Variants in RSRC1 observed in about 807,000 individuals in gnomAD.
The protein encoded by RSRC1 is serine/Arginine-related protein 53.
Under a neutral mutation model 49.1 loss-of-function variants are expected in RSRC1, and 39 were observed. The ratio of observed to expected loss-of-function variants is 0.79; its 90% CI spans 0.61 to 1.04. The LOEUF is 1.04. RSRC1 is among the 50% of genes least tolerant of loss of function. The probability of loss-of-function intolerance (pLI) is 0.00; values close to 1 mark genes in which losing one functional copy is unlikely to be tolerated. For synonymous variants in RSRC1, 143 were observed against 130.8 expected, an observed-to-expected ratio of 1.09 and a Z score of -0.63; for missense variants, 388 against 402.4, an observed-to-expected ratio of 0.96 and a Z score of 0.31.
intron 6 of RSRC1, among the ~76,000 whole-genome samples, chr3:158,412,322 G>A (rs979818215): frequency 3.3e-5 from 5 of 151,966 alleles, no homozygotes; most frequent in African/African-American, 9.7e-5. Context: ...GTATTGTTTG[G>A]TGTAACTGTG....
intron 3 of RSRC1, among the ~76,000 whole-genome samples, chr3:158,198,785 C>T (rs773058106): frequency 7.2e-5 from 11 of 152,076 alleles, no homozygotes; most frequent in African/African-American, 2.7e-4. Flanking sequence ...TGGAGCTGTT[C>T]GTATTCGGCC....
chr3:158,230,386 T>A (rs1031933576), intron 4 of RSRC1, among the ~76,000 whole-genome samples: 3 of 152,142 alleles, frequency 2.0e-5, no homozygotes, highest in African/African-American at 7.2e-5. Flanking sequence ...TAAGCAAAGA[T>A]AATTTTTATA....
At chr3:158,253,155 G>A (rs147493713) in intron 4 of RSRC1, among the ~76,000 whole-genome samples, 88 of 151,874 alleles carry the variant, frequency 5.8e-4, no homozygotes, top group African/African-American at 2.0e-3. Flanking sequence ...GCTTTATGAT[G>A]TATCGCTGGC....
chr3:158,159,754 G>A (rs971758262), intron 3 of RSRC1, among the ~76,000 whole-genome samples: 1 of 151,714 alleles, frequency 6.6e-6, no homozygotes, highest in Admixed American at 6.6e-5. Context: ...TTTGATGAGG[G>A]CTTTAAAAAT....
In RSRC1 at chr3:158,506,161, A is replaced by C. The variant is rs1394992764; in HGVS notation, c.653-30931A>C. On this transcript the variant is annotated intron_variant, in intron 7 of 9. Transcript: ENST00000611884. Reference sequence around the variant, plus strand: ...GGAAACAATCAACCAAGTGAAAGACAAGCTTACAGAATGGCAGAAAATATT... The same window carrying C: ...GGAAACAATCAACCAAGTGAAAGACCAGCTTACAGAATGGCAGAAAATATT... 2.0e-5 allele frequency among the ~76,000 whole-genome samples: 3 copies of C among 152,186 alleles called. No individual in the cohort carries two copies. The East Asian group carries it at 5.8e-4, about 29-fold the overall frequency.
chr3:158,292,524 T>C (rs964166792), intron 4 of RSRC1, among the ~76,000 whole-genome samples: 6 of 152,166 alleles, frequency 3.9e-5, no homozygotes, highest in Admixed American at 2.0e-4. Flanking sequence ...TTTTATCAGT[T>C]TTGAGACCTA....
intron 7 of RSRC1, among the ~76,000 whole-genome samples, chr3:158,523,704 AG>A (rs557590745): frequency 2.1e-4 from 32 of 152,216 alleles, no homozygotes; most frequent in Non-Finnish European, 4.4e-4. Context: ...GAGCCAAATC[AG>A]GGCAGTAATG....
At chr3:158,438,932 A>G (rs1475422615) in intron 6 of RSRC1, among the ~76,000 whole-genome samples, 3 of 152,190 alleles carry the variant, frequency 2.0e-5, no homozygotes, top group African/African-American at 7.2e-5. Flanking sequence ...ACAAAGGGCT[A>G]ATATCCAGAA....
At chr3:158,423,676 C>T (rs1469223171) in intron 6 of RSRC1, among the ~76,000 whole-genome samples, 2 of 152,116 alleles carry the variant, frequency 1.3e-5, no homozygotes, top group African/African-American at 2.4e-5. Flanking sequence ...GCAGTATGGC[C>T]ATTTTCACGA....
chr3:158,145,766 A>T (rs1297159002), intron 3 of RSRC1, among the ~76,000 whole-genome samples: 1 of 152,210 alleles, frequency 6.6e-6, no homozygotes, highest in Non-Finnish European at 1.5e-5. Flanking sequence ...ATCCATGAAC[A>T]TGGAATGTTC....
At chr3:158,316,723 C>G (rs1182232497) in intron 5 of RSRC1, among the ~76,000 whole-genome samples, 1 of 152,050 alleles carries the variant, frequency 6.6e-6, no homozygotes. Context: ...GGATTACAGG[C>G]GTGAGCCAAC....
intron 6 of RSRC1, among the ~76,000 whole-genome samples, chr3:158,356,879 G>GA (rs558614765): frequency 2.0e-5 from 3 of 151,988 alleles, no homozygotes; most frequent in Non-Finnish European, 4.4e-5. Context: ...AAGCACATTA[G>GA]AAAATAGATG....
At chr3:158,289,334 T>G (rs17683787) in intron 4 of RSRC1, among the ~76,000 whole-genome samples, 20,934 of 152,166 alleles carry the variant, frequency 0.14, 1,572 homozygotes, top group Middle Eastern at 0.21. Flanking sequence ...GCTTAAGTGT[T>G]CAGCTTCCCA....
intron 7 of RSRC1, among the ~76,000 whole-genome samples, chr3:158,488,745 A>T (rs1393939705): frequency 6.6e-6 from 1 of 152,198 alleles, no homozygotes; most frequent in African/African-American, 2.4e-5. Flanking sequence ...ATTTCTAACT[A>T]AGTTAAGCCA....
intron 5 of RSRC1, among the ~76,000 whole-genome samples, chr3:158,301,060 C>T (rs827168): frequency 0.69 from 105,114 of 152,014 alleles, 36,775 homozygotes; most frequent in East Asian, 0.85. Context: ...TCTTAGACCA[C>T]TGATTCAGCC....
At chr3:158,134,388 C>G (rs1221232522) in intron 3 of RSRC1, among the ~76,000 whole-genome samples, 1 of 152,014 alleles carries the variant, frequency 6.6e-6, no homozygotes, top group Non-Finnish European at 1.5e-5. Context: ...TTACAACATG[C>G]TTTTATAGAA....
chr3:158,234,098 A>G (rs1723110246), intron 4 of RSRC1, among the ~76,000 whole-genome samples: 2 of 152,206 alleles, frequency 1.3e-5, no homozygotes, highest in Non-Finnish European at 2.9e-5. Flanking sequence ...ACCTTACTGT[A>G]GCAATCCTGT....
chr3:158,242,143 T>C (rs1250927055), intron 4 of RSRC1, among the ~76,000 whole-genome samples: 1 of 142,820 alleles, frequency 7.0e-6, no homozygotes, highest in Non-Finnish European at 1.5e-5. Flanking sequence ...GATCATCTCA[T>C]CACTTAGGTA....
At chr3:158,336,331 G>A (rs1167314370) in intron 5 of RSRC1, 2 of 152,258 alleles carry the variant, frequency 1.3e-5, no homozygotes, top group Non-Finnish European at 2.9e-5. Flanking sequence ...GTGAGGTGGG[G>A]ATGCCAATCA....
Sources: gnomAD v4.1 joint callset for allele counts (sites outside exome capture counted in the v4.1 genomes callset) on GRCh38, gnomAD v4.1.1 for gene constraint, MANE v1.5 for transcripts, NCBI Gene and HGNC (gene_info 2026-07-23, HGNC 2026-07-21) for gene names.